Variants in SS18L1 observed in about 807,000 individuals in gnomAD.
The protein encoded by SS18L1 is calcium-responsive transactivator.
In SS18L1, 32 loss-of-function variants were observed where a neutral mutation model predicts 70.3. The ratio of observed to expected loss-of-function variants is 0.46; its 90% CI spans 0.34 to 0.61. The LOEUF is 0.61. Ranked by LOEUF, SS18L1 falls within the 20% of genes least tolerant of loss-of-function variation. SS18L1 has a pLI of 0.01. For synonymous variants in SS18L1, 237 were observed against 229.7 expected (o/e 1.03, Z -0.29); for missense variants, 430 against 542.1 (o/e 0.79, Z 2.05).
intron 8 of SS18L1, among the ~76,000 whole-genome samples, chr20:62,170,302 G>A (rs1001109189): frequency 2.6e-5 from 4 of 152,170 alleles, no homozygotes; most frequent in Non-Finnish European, 4.4e-5. Context: ...TCAGGAGATC[G>A]AGACCATCGT....
At chr20:62,176,120 T>G (rs2023157015) in intron 10 of SS18L1, among the ~76,000 whole-genome samples, 1 of 152,272 alleles carries the variant, frequency 6.6e-6, no homozygotes, top group South Asian at 2.1e-4. Context: ...CATACCTCCT[T>G]CATACAGTCC....
chr20:62,159,901 C>T lies in SS18L1; in HGVS notation c.171C>T (p.Asn57=). The T allele has an allele frequency of 6.2e-7, 1 of 1,612,744 alleles. No individual in the cohort carries two copies. The highest frequency in any genetic ancestry group is 1.1e-5 in the South Asian group (1 of 91,034). Residue 57 remains asparagine (N), a synonymous_variant, in exon 3 of 11, where the codon AAC becomes AAT. Coordinates refer to ENST00000331758, the MANE Select transcript of SS18L1 (RefSeq NM_198935.3). This position sits in a 1 kb window ranked among gnomAD's most constrained non-coding sequence, Gnocchi z 4.4. ...GGTACCAGCAGATCCTGCACCGGAA[C>T]CTGGTATACCTGGCCACGATCGCAG... ...CTQYQQILHR[N]LVYLATIADS... is the part of the protein sequence containing the mutation.
At chr20:62,168,346 C>T (rs1248994078) in intron 8 of SS18L1, among the ~76,000 whole-genome samples, 1 of 152,160 alleles carries the variant, frequency 6.6e-6, no homozygotes, top group African/African-American at 2.4e-5. Flanking sequence ...ACTGTGAAGT[C>T]TTGCAGGGGT....
At chr20:62,176,416 G>A (rs2057621028) in intron 10 of SS18L1, among the ~76,000 whole-genome samples, 1 of 152,206 alleles carries the variant, frequency 6.6e-6, no homozygotes. Flanking sequence ...GGAAGGCTGA[G>A]GCACGAGGAT....
chr20:62,163,993 C>A, intron 6 of SS18L1, 152 bp from the exon 7 acceptor site: 1 of 683,356 alleles, frequency 1.5e-6, no homozygotes, highest in Non-Finnish European at 2.4e-6. Flanking sequence ...ACTAAAAATA[C>A]AAAACATAAG....
At chr20:62,178,229 C>T (rs369670555) in intron 10 of SS18L1, among the ~76,000 whole-genome samples, 2 of 149,876 alleles carry the variant, frequency 1.3e-5, no homozygotes, top group African/African-American at 5.0e-5. Flanking sequence ...TCACTGCAAC[C>T]TCCACCTCTC....
At chr20:62,169,651 T>A (rs1260807945) in intron 8 of SS18L1, among the ~76,000 whole-genome samples, 1 of 151,944 alleles carries the variant, frequency 6.6e-6, no homozygotes, top group Non-Finnish European at 1.5e-5. Flanking sequence ...TGGTGGCGCA[T>A]GTCTGTAAAG....
intron 8 of SS18L1, among the ~76,000 whole-genome samples, chr20:62,171,901 G>A (rs1053099233): frequency 2.6e-5 from 4 of 152,212 alleles, no homozygotes; most frequent in South Asian, 2.1e-4. Flanking sequence ...CGTGGCTCAC[G>A]CCTGTAATCC....
intron 1 of SS18L1, among the ~76,000 whole-genome samples, chr20:62,152,016 G>A (rs189414737): frequency 7.0e-6 from 1 of 142,058 alleles, no homozygotes; most frequent in East Asian, 2.0e-4. Flanking sequence ...CTCTTTTCCC[G>A]CTCCCCAGAG....
In SS18L1 at chr20:62,164,256, G is replaced by A. The variant is rs1246837509; in HGVS notation, c.823+10G>A. The stretch of plus-strand genomic sequence containing the variant: ...CAGTACTACCCCGACGGTGAGCACT[G>A]GCGGCGGCCTGACCCCGCCCAGGAA... On this transcript the variant is annotated intron_variant, in intron 7 of 10. Transcript: ENST00000331758. The A allele has an allele frequency of 6.5e-7, 1 of 1,544,604 alleles. No homozygotes were observed. Among genetic ancestry groups the A allele is most frequent in the Non-Finnish European group, 8.7e-7 (1 of 1,144,136 alleles).
At chr20:62,147,180 G>C (rs948722450) in intron 1 of SS18L1, among the ~76,000 whole-genome samples, 1 of 152,172 alleles carries the variant, frequency 6.6e-6, no homozygotes, top group African/African-American at 2.4e-5. Flanking sequence ...GCAGGTATTG[G>C]GGGACCTAAA....
chr20:62,173,647 G>A (rs1285287549), intron 9 of SS18L1, among the ~76,000 whole-genome samples: 3 of 152,004 alleles, frequency 2.0e-5, no homozygotes, highest in Non-Finnish European at 4.4e-5. Flanking sequence ...GGTAGAGGTC[G>A]CAGTGAGCCG....
Position 62,180,198 on chromosome 20 carries a change from A to G in SS18L1, c.*990A>G, listed in dbSNP as rs2057686436. On this transcript the variant is annotated 3_prime_UTR_variant, in exon 11 of 11. Coordinates refer to ENST00000331758, the MANE Select transcript of SS18L1 (RefSeq NM_198935.3). Reference sequence around the variant, plus strand: ...TACTTGCTCAGATCTCCAAGCAAGCATTTCTTTTCTTTTAGGGATGTCTGA... The same window carrying G: ...TACTTGCTCAGATCTCCAAGCAAGCGTTTCTTTTCTTTTAGGGATGTCTGA... The G allele has an allele frequency of 4.8e-6, 1 of 206,310 alleles. No homozygotes were observed. Among genetic ancestry groups the G allele is most frequent in the Non-Finnish European group, 9.9e-6 (1 of 101,114 alleles). The allele number at this position is 206,310 out of a possible 1,614,324, so 12.8% of individuals were successfully genotyped here. A position where few individuals can be genotyped will look rare whatever the true frequency, so the allele number is the denominator to read the frequency against.
In SS18L1 at chr20:62,174,625, G is replaced by A; in HGVS notation, c.1145G>A (p.Arg382Gln). The change falls in exon 10 of 11, where the codon CGG (arginine) becomes CAG (glutamine). Residue 382 changes from arginine (R) to glutamine (Q), a missense_variant. Arg to Gln is a conservative substitution (Grantham distance 43). Transcript: ENST00000331758. This position sits in a 1 kb window ranked among gnomAD's most constrained non-coding sequence, Gnocchi z 4.1. ...PQTAPSAQQQ[R>Q]PYGYEQGQYG... ...ACAGCGCCGTCTGCCCAGCAGCAGCGGCCCTACGGCTATGAACAGGCAAGC... is the reference window on the plus strand; with the variant it reads ...ACAGCGCCGTCTGCCCAGCAGCAGCAGCCCTACGGCTATGAACAGGCAAGC... The A allele has an allele frequency of 1.9e-6, 3 of 1,613,658 alleles. No homozygotes were observed. Among genetic ancestry groups the A allele is most frequent in the East Asian group, 2.2e-5 (1 of 44,856 alleles).
At position 62,164,214 on chromosome 20, in the gene SS18L1, C is replaced by T. The variant is rs1296903435; in HGVS notation, c.791C>T (p.Ala264Val). ...CAGTACAGCCACAGCCAGGGCGCCG[C>T]GGAGCCCATGGGCCAGCAGTACTAC... ...GEQYSHSQGA[A>V]EPMGQQYYPD... is the part of the protein sequence containing the mutation. The change falls in exon 7 of 11, where the codon GCG (alanine) becomes GTG (valine). Residue 264 changes from alanine (A) to valine (V), a missense_variant. Ala to Val is a moderately conservative substitution (Grantham distance 64). Coordinates refer to ENST00000331758, the MANE Select transcript of SS18L1 (RefSeq NM_198935.3). The T allele has an allele frequency of 1.4e-5, 22 of 1,549,606 alleles. No homozygotes were observed. Among genetic ancestry groups the T allele is most frequent in the Non-Finnish European group, 1.9e-5 (22 of 1,146,674 alleles).
rs2057333673 is a variant in SS18L1, at chr20:62,161,708, G to T, written c.376+128G>T. ...GGGCATGGGACCCACTCCTCCTGGGGTAGCCACAGGTCGGCTGCCATCGCC... is the reference window on the plus strand; with the variant it reads ...GGGCATGGGACCCACTCCTCCTGGGTTAGCCACAGGTCGGCTGCCATCGCC... On this transcript the variant is annotated intron_variant, in intron 4 of 10. Coordinates refer to ENST00000331758, the MANE Select transcript of SS18L1 (RefSeq NM_198935.3). This position sits in a 1 kb window ranked among gnomAD's most constrained non-coding sequence, Gnocchi z 4.4. 1.0e-5 allele frequency: 14 copies of T among 1,367,344 alleles called. No homozygotes were observed. The South Asian group carries it at 1.6e-4, about 16-fold the overall frequency. The allele number at this position is 1,367,344 out of a possible 1,614,324, so 84.7% of individuals were successfully genotyped here.
intron 10 of SS18L1, 126 bp from the exon 11 acceptor site, chr20:62,179,056 A>G: frequency 9.9e-7 from 1 of 1,008,466 alleles, no homozygotes; most frequent in Non-Finnish European, 1.5e-6. Flanking sequence ...GCTGCCCCGC[A>G]GAGATGTGAG....
rs2145752821 is a variant in SS18L1, at chr20:62,165,426, T to C, written c.828T>C (p.His276=). 2 of 1,611,962 alleles carry C rather than the reference T, an allele frequency of 1.2e-6. No individual in the cohort carries two copies. Among genetic ancestry groups the C allele is most frequent in the Non-Finnish European group, 1.7e-6 (2 of 1,179,500 alleles). Residue 276 remains histidine (H), a synonymous_variant, in exon 8 of 11, where the codon CAT becomes CAC. Coordinates refer to ENST00000331758, the MANE Select transcript of SS18L1 (RefSeq NM_198935.3). The part of the protein sequence containing the change: ...PMGQQYYPDG[H]GDYAYQQSSY... The stretch of plus-strand genomic sequence containing the variant: ...CGCCGTCTCCGTTTCGCACAGGCCA[T>C]GGCGATTACGCCTACCAGCAGTCAT...
chr20:62,148,103 C>T (rs565535288), intron 1 of SS18L1, among the ~76,000 whole-genome samples: 1 of 152,224 alleles, frequency 6.6e-6, no homozygotes, highest in Non-Finnish European at 1.5e-5. Context: ...AGGCTCCCCC[C>T]ACCCGAGAAG....
Sources: allele counts gnomAD v4.1 joint callset (sites outside exome capture counted in the v4.1 genomes callset), GRCh38; gene constraint gnomAD v4.1.1; non-coding constraint Gnocchi (gnomAD v3.1); transcripts MANE v1.5; gene names NCBI Gene and HGNC (gene_info 2026-07-23, HGNC 2026-07-21).